The following ST6GALNAC3 variants were observed in gnomAD, a reference collection of about 807,000 sequenced individuals.
ST6GALNAC3 encodes the protein ST6 N-acetylgalactosaminide alpha-2,6-sialyltransferase 3.
ST6GALNAC3 carries 25 observed loss-of-function variants against 32.7 expected under a neutral mutation model. That is an observed-to-expected ratio of 0.76 (90% CI 0.56 to 1.07). ST6GALNAC3 has a LOEUF of 1.07. ST6GALNAC3 is among the 50% of genes least tolerant of loss of function. The probability of loss-of-function intolerance (pLI) is 0.00; values close to 1 mark genes in which losing one functional copy is unlikely to be tolerated. For synonymous variants in ST6GALNAC3, 129 were observed against 133.1 expected, an observed-to-expected ratio of 0.97 and a Z score of 0.21; for missense variants, 355 against 382.4, an observed-to-expected ratio of 0.93 and a Z score of 0.60.
intron 3 of ST6GALNAC3, among the ~76,000 whole-genome samples, chr1:76,438,352 C>T (rs1357853028): frequency 1.3e-5 from 2 of 151,848 alleles, no homozygotes; most frequent in African/African-American, 2.4e-5. Context: ...GGGGTTTCAC[C>T]GTGGTCTCGA....
In ST6GALNAC3 at chr1:76,631,240, A is replaced by T. The variant is rs1649283038; in HGVS notation, c.*2434A>T. On this transcript the variant is annotated 3_prime_UTR_variant, in exon 5 of 5. Transcript: ENST00000328299. ...TTTCTTTCCTTTCTTTTTGCAACTA[A>T]ACTGCTACTCTACACTTTTTATTGT... 1 of 153,258 alleles carries T rather than the reference A, an allele frequency of 6.5e-6. No individual in the cohort carries two copies. The highest frequency in any genetic ancestry group is 1.4e-5 in the Non-Finnish European group (1 of 69,740). The allele number at this position is 153,258 out of a possible 1,614,324, so 9.5% of individuals were successfully genotyped here.
chr1:76,583,564 G>A (rs1320593079), intron 3 of ST6GALNAC3, among the ~76,000 whole-genome samples: 1 of 152,112 alleles, frequency 6.6e-6, no homozygotes, highest in Non-Finnish European at 1.5e-5. Flanking sequence ...GTTGAATTAT[G>A]TCATGACTTC....
intron 1 of ST6GALNAC3, among the ~76,000 whole-genome samples, chr1:76,075,652 G>A (rs1352641201): frequency 6.6e-6 from 1 of 151,770 alleles, no homozygotes; most frequent in East Asian, 1.9e-4. Flanking sequence ...AGAACTTGGT[G>A]TGAGGGCCTC....
chr1:76,143,848 G>C (rs1650500894), intron 1 of ST6GALNAC3, among the ~76,000 whole-genome samples: 1 of 152,146 alleles, frequency 6.6e-6, no homozygotes, highest in Admixed American at 6.5e-5. Flanking sequence ...ACTATTGAGA[G>C]GGGGCTTGGA....
chr1:76,558,184 G>A lies in ST6GALNAC3; in HGVS notation c.624-69268G>A, dbSNP rs184678335. On this transcript the variant is annotated intron_variant, in intron 3 of 4. Transcript: ENST00000328299. ...CAGCCACTGTGGAAAGCAGTTTGGA[G>A]ATTTCTGAAAGAATTTTTAAAACAG... is the stretch of plus-strand genomic sequence containing the variant. Among the ~76,000 whole-genome samples the A allele has an allele frequency of 2.8e-3, 424 of 152,272 alleles. 1 individual carries two copies. The highest frequency in any genetic ancestry group is 9.7e-3 in the African/African-American group (404 of 41,558).
intron 1 of ST6GALNAC3, among the ~76,000 whole-genome samples, chr1:76,279,374 T>C (rs1264588909): frequency 6.6e-6 from 1 of 152,174 alleles, no homozygotes; most frequent in Non-Finnish European, 1.5e-5. Flanking sequence ...TGTTCTTTGG[T>C]AAGAAAATTA....
chr1:76,492,173 A>G (rs1286078459), intron 3 of ST6GALNAC3, among the ~76,000 whole-genome samples: 3 of 152,194 alleles, frequency 2.0e-5, no homozygotes, highest in Non-Finnish European at 4.4e-5. Flanking sequence ...GAGTTAACAC[A>G]TTGTCCTTTT....
chr1:76,399,149 G>T (rs141718972), intron 2 of ST6GALNAC3, among the ~76,000 whole-genome samples: 1 of 152,048 alleles, frequency 6.6e-6, no homozygotes, highest in African/African-American at 2.4e-5. Context: ...CCTCTCCATA[G>T]CCTGCCTTTC....
At chr1:76,200,579 T>C (rs752412884) in intron 1 of ST6GALNAC3, among the ~76,000 whole-genome samples, 14 of 152,220 alleles carry the variant, frequency 9.2e-5, no homozygotes, top group Non-Finnish European at 1.5e-4. Context: ...CCATGCTATG[T>C]GTATATTCTT....
At chr1:76,538,298 G>T (rs1002736396) in intron 3 of ST6GALNAC3, among the ~76,000 whole-genome samples, 14 of 152,028 alleles carry the variant, frequency 9.2e-5, no homozygotes, top group African/African-American at 3.1e-4. Context: ...ATGGAGAAAA[G>T]GTATTTGATA....
chr1:76,116,266 A>C (rs1366480252), intron 1 of ST6GALNAC3, among the ~76,000 whole-genome samples: 4 of 152,194 alleles, frequency 2.6e-5, no homozygotes, highest in Non-Finnish European at 4.4e-5. Context: ...TGCCCAGACC[A>C]TGAAGTCTCC....
At chr1:76,168,355 A>G (rs1355077918) in intron 1 of ST6GALNAC3, among the ~76,000 whole-genome samples, 1 of 152,164 alleles carries the variant, frequency 6.6e-6, no homozygotes, top group Non-Finnish European at 1.5e-5. Flanking sequence ...AGAGATTGTT[A>G]TGATTTCAGT....
intron 2 of ST6GALNAC3, among the ~76,000 whole-genome samples, chr1:76,369,948 G>T (rs1264912170): frequency 6.6e-6 from 1 of 152,288 alleles, no homozygotes; most frequent in Non-Finnish European, 1.5e-5. Flanking sequence ...ACACTAAAAG[G>T]ATGTTCTTAT....
intron 3 of ST6GALNAC3, among the ~76,000 whole-genome samples, chr1:76,591,556 G>A (rs1647048815): frequency 1.3e-5 from 2 of 152,124 alleles, no homozygotes; most frequent in Admixed American, 1.3e-4. Context: ...TCAGGCACCT[G>A]CTTCATGCCT....
At chr1:76,148,383 A>G (rs955464328) in intron 1 of ST6GALNAC3, among the ~76,000 whole-genome samples, 2 of 152,140 alleles carry the variant, frequency 1.3e-5, no homozygotes, top group African/African-American at 4.8e-5. Context: ...TTCCGGGGCT[A>G]TATTTTCTTT....
intron 1 of ST6GALNAC3, among the ~76,000 whole-genome samples, chr1:76,275,796 C>T (rs750753661): frequency 6.6e-6 from 1 of 152,074 alleles, no homozygotes; most frequent in East Asian, 1.9e-4. Flanking sequence ...CTTGTATATA[C>T]TTGTATTGTC....
intron 3 of ST6GALNAC3, among the ~76,000 whole-genome samples, chr1:76,444,364 A>G: frequency 6.6e-6 from 1 of 152,192 alleles, no homozygotes; most frequent in Middle Eastern, 3.2e-3. Flanking sequence ...CTAGACATTC[A>G]CTTAACAATT....
chr1:76,135,826 A>C (rs1250613260), intron 1 of ST6GALNAC3, among the ~76,000 whole-genome samples: 1 of 152,146 alleles, frequency 6.6e-6, no homozygotes, highest in Non-Finnish European at 1.5e-5. Flanking sequence ...CGGCTCTCCT[A>C]TACTCTTAGG....
chr1:76,511,644 T>C (rs1008691387), intron 3 of ST6GALNAC3, among the ~76,000 whole-genome samples: 1 of 152,320 alleles, frequency 6.6e-6, no homozygotes, highest in Middle Eastern at 3.4e-3. Flanking sequence ...AGCCAATGTT[T>C]GTTAAATTCA....
Sources: gnomAD v4.1 joint callset for allele counts (sites outside exome capture counted in the v4.1 genomes callset) on GRCh38, gnomAD v4.1.1 for gene constraint, MANE v1.5 for transcripts, NCBI Gene and HGNC (gene_info 2026-07-23, HGNC 2026-07-21) for gene names.